TNFRSF19: variants seen among roughly 807,000 people sequenced by gnomAD.
TNFRSF19 encodes the protein tumor necrosis factor receptor superfamily member 19.
Under a neutral mutation model 46.4 loss-of-function variants are expected in TNFRSF19, and 27 were observed. The ratio of observed to expected loss-of-function variants is 0.58; its 90% CI spans 0.43 to 0.80. The LOEUF (loss-of-function observed/expected upper bound fraction) is 0.80. Ranked by LOEUF, TNFRSF19 falls within the 30% of genes least tolerant of loss-of-function variation. The probability of loss-of-function intolerance (pLI) is 0.00; values close to 1 mark genes in which losing one functional copy is unlikely to be tolerated. For missense variants in TNFRSF19, 511 were observed against 530.8 expected (o/e 0.96, Z 0.37); for synonymous variants, 204 against 205.0 (o/e 1.00, Z 0.04).
chr13:23,671,864 A>C (rs912539427), intron 9 of TNFRSF19, among the ~76,000 whole-genome samples: 1 of 151,828 alleles, frequency 6.6e-6, no homozygotes, highest in South Asian at 2.1e-4. Flanking sequence ...TCTCTTAAAA[A>C]ATAAAATAAA....
At chr13:23,631,241 C>T (rs1185305741) in intron 5 of TNFRSF19, among the ~76,000 whole-genome samples, 1 of 151,970 alleles carries the variant, frequency 6.6e-6, no homozygotes, top group African/African-American at 2.4e-5. Context: ...GAAGGGAACC[C>T]CAGTAGTCCC....
In TNFRSF19 at chr13:23,674,062, C is replaced by A. The variant is rs2138429805; in HGVS notation, c.*682C>A. 1 of 152,300 alleles carries A rather than the reference C, an allele frequency of 6.6e-6. No individual in the cohort carries two copies. Among genetic ancestry groups the A allele is most frequent in the South Asian group, 2.1e-4 (1 of 4,828 alleles). 9.4% of individuals were successfully genotyped at this position (152,300 alleles called of 1,614,324 possible). On this transcript the variant is annotated 3_prime_UTR_variant, in exon 10 of 10. Transcript: ENST00000248484. Reference sequence around the variant, plus strand: ...TCAGCCTCGGTCTCATGAACACCCGCTGATCTCAGGAGAACACCTGGGCTA... The same window carrying A: ...TCAGCCTCGGTCTCATGAACACCCGATGATCTCAGGAGAACACCTGGGCTA...
At chr13:23,597,425 A>G (rs1374197814) in intron 3 of TNFRSF19, among the ~76,000 whole-genome samples, 3 of 152,216 alleles carry the variant, frequency 2.0e-5, no homozygotes, top group Non-Finnish European at 4.4e-5. Flanking sequence ...ATCACCACTG[A>G]TCCCACAGAA....
chr13:23,616,069 T>A, intron 4 of TNFRSF19, 24 bp downstream of exon 4: 4 of 1,561,166 alleles, frequency 2.6e-6, no homozygotes, highest in Non-Finnish European at 2.6e-6. Context: ...TTTCTTTCAC[T>A]TGTAATTATT....
chr13:23,655,645 T>C (rs1003451479), intron 5 of TNFRSF19, among the ~76,000 whole-genome samples: 2 of 152,176 alleles, frequency 1.3e-5, no homozygotes, highest in African/African-American at 2.4e-5. Flanking sequence ...TCCTTTAGCG[T>C]AGATAAGTTC....
intron 5 of TNFRSF19, among the ~76,000 whole-genome samples, chr13:23,654,836 C>T (rs942345383): frequency 1.3e-5 from 2 of 152,156 alleles, no homozygotes; most frequent in African/African-American, 4.8e-5. Flanking sequence ...AATGAACGCT[C>T]ACCACTTTAC....
chr13:23,640,333 G>A (rs1220402012), intron 5 of TNFRSF19, among the ~76,000 whole-genome samples: 1 of 152,184 alleles, frequency 6.6e-6, no homozygotes, highest in Non-Finnish European at 1.5e-5. Flanking sequence ...AATGTAGCTA[G>A]CTGTGTTGAT....
Position 23,624,793 on chromosome 13 carries a change from C to T in TNFRSF19, c.360-1914C>T, listed in dbSNP as rs184116883. On this transcript the variant is annotated intron_variant, in intron 4 of 9. Transcript: ENST00000248484. ...GAGGTGGAGTTTCACTCTTGTTGCC[C>T]AGGCTGGAGTGCAATGGCGCGATCT... is the stretch of plus-strand genomic sequence containing the variant. Among the ~76,000 whole-genome samples the T allele has an allele frequency of 3.2e-3, 490 of 151,706 alleles. 7 individuals carry two copies. The highest frequency in any genetic ancestry group is 0.011 in the African/African-American group (468 of 41,302).
chr13:23,610,073 C>T (rs1397915874), intron 3 of TNFRSF19, among the ~76,000 whole-genome samples: 1 of 152,200 alleles, frequency 6.6e-6, no homozygotes, highest in Non-Finnish European at 1.5e-5. Context: ...CTAGATTCTC[C>T]CTTCAAATAA....
intron 5 of TNFRSF19, among the ~76,000 whole-genome samples, chr13:23,653,910 A>G (rs1444717141): frequency 6.6e-6 from 1 of 152,172 alleles, no homozygotes; most frequent in Non-Finnish European, 1.5e-5. Flanking sequence ...CAGCAGATCT[A>G]TTGGAGTGTG....
At chr13:23,619,464 T>C (rs1158664156) in intron 4 of TNFRSF19, among the ~76,000 whole-genome samples, 1 of 151,986 alleles carries the variant, frequency 6.6e-6, no homozygotes, top group Admixed American at 6.5e-5. Flanking sequence ...TGGTGATGGT[T>C]GTACAACTCT....
intron 7 of TNFRSF19, among the ~76,000 whole-genome samples, chr13:23,661,291 G>A (rs1246670760): frequency 6.6e-6 from 1 of 152,140 alleles, no homozygotes. Context: ...AGAACATGTG[G>A]TATTTGGTTT....
At chr13:23,651,893 T>TAAAAAAAAAAAAAAAAAAAAAAAA (rs34023907) in intron 5 of TNFRSF19, among the ~76,000 whole-genome samples, 3 of 9,966 alleles carry the variant, frequency 3.0e-4, no homozygotes, top group Non-Finnish European at 3.6e-4. Flanking sequence ...CATAACATGC[T>TAAAAAAAAAAAAAAAAAAAAAAAA]AAAAAAAAAA....
rs111460214 is a variant in TNFRSF19 at position 23,582,173 on chromosome 13, G to A, written c.-34-7977G>A. Reference sequence around the variant, plus strand: ...AGGCGGGCGGATCAGGTGGTCAGGAGATCAAGACCATCCTGGCTAACATGG... The same window carrying A: ...AGGCGGGCGGATCAGGTGGTCAGGAAATCAAGACCATCCTGGCTAACATGG... On this transcript the variant is annotated intron_variant, in intron 1 of 9. Coordinates refer to ENST00000248484, the MANE Select transcript of TNFRSF19 (RefSeq NM_148957.4). Among the ~76,000 whole-genome samples, 366 of 139,578 alleles carry A rather than the reference G, an allele frequency of 2.6e-3. 5 individuals carry two copies. Among genetic ancestry groups the A allele is most frequent in the Non-Finnish European group, 3.7e-3 (242 of 66,204 alleles). 91.6% of individuals were successfully genotyped at this position (139,578 alleles called of 152,430 possible).
chr13:23,658,742 G>C (rs1475172719), intron 5 of TNFRSF19, among the ~76,000 whole-genome samples: 1 of 152,190 alleles, frequency 6.6e-6, no homozygotes, highest in African/African-American at 2.4e-5. Flanking sequence ...CAGACCCCCA[G>C]CTCACAAAGA....
intron 5 of TNFRSF19, among the ~76,000 whole-genome samples, chr13:23,638,170 G>A (rs554893321): frequency 6.6e-6 from 1 of 152,310 alleles, no homozygotes; most frequent in Non-Finnish European, 1.5e-5. Context: ...GACGTTATGG[G>A]TCCGTAGACT....
At chr13:23,623,929 T>C (rs919617322) in intron 4 of TNFRSF19, among the ~76,000 whole-genome samples, 78 of 152,300 alleles carry the variant, frequency 5.1e-4, no homozygotes, top group African/African-American at 1.8e-3. Flanking sequence ...CATAGGAATG[T>C]TTATGTCCTC....
At chr13:23,637,943 G>C (rs1383193395) in intron 5 of TNFRSF19, among the ~76,000 whole-genome samples, 1 of 152,260 alleles carries the variant, frequency 6.6e-6, no homozygotes, top group Non-Finnish European at 1.5e-5. Flanking sequence ...GTTAAGGAGA[G>C]TCCGTGGTGG....
chr13:23,635,524 G>A (rs1882622609), intron 5 of TNFRSF19, among the ~76,000 whole-genome samples: 1 of 152,050 alleles, frequency 6.6e-6, no homozygotes, highest in Admixed American at 6.5e-5. Flanking sequence ...GATTACAGGT[G>A]TGTGCCACCA....
Sources: allele counts gnomAD v4.1 joint callset (sites outside exome capture counted in the v4.1 genomes callset), GRCh38; gene constraint gnomAD v4.1.1; transcripts MANE v1.5; gene names NCBI Gene and HGNC (gene_info 2026-07-23, HGNC 2026-07-21).